MCCC2: variants seen among roughly 807,000 people sequenced by gnomAD.
The protein encoded by MCCC2 is methylcrotonoyl-CoA carboxylase beta chain, mitochondrial.
In MCCC2, 52 loss-of-function variants were observed where a neutral mutation model predicts 77.2. The observed-to-expected ratio is 0.67, with a 90% CI of 0.54 to 0.85. The LOEUF (loss-of-function observed/expected upper bound fraction) is 0.85, where lower values mean the gene tolerates loss of function less well. Among genes scored for constraint, MCCC2 ranks in the 40% least tolerant of loss-of-function variants. MCCC2 has a pLI of 0.00. For synonymous variants in MCCC2, 253 were observed against 248.4 expected (o/e 1.02, Z -0.18); for missense variants, 682 against 703.2 (o/e 0.97, Z 0.34).
At chr5:71,638,393 CT>C (rs1440692551) in intron 10 of MCCC2, among the ~76,000 whole-genome samples, 1 of 152,078 alleles carries the variant, frequency 6.6e-6, no homozygotes, top group African/African-American at 2.4e-5. Flanking sequence ...ATATTTTGAC[CT>C]CCTCGCATGA....
At chr5:71,634,010 C>G (rs1459458193) in intron 8 of MCCC2, among the ~76,000 whole-genome samples, 1 of 152,144 alleles carries the variant, frequency 6.6e-6, no homozygotes, top group Non-Finnish European at 1.5e-5. Context: ...AGTAGAGTGT[C>G]ATGAAATCAC....
intron 6 of MCCC2, among the ~76,000 whole-genome samples, chr5:71,615,469 C>T (rs551896738): frequency 2.0e-5 from 3 of 152,168 alleles, no homozygotes; most frequent in Non-Finnish European, 2.9e-5. Flanking sequence ...TTTATTTTAA[C>T]GATTTAGCCA....
intron 6 of MCCC2, among the ~76,000 whole-genome samples, chr5:71,623,314 C>CA (rs1746419767): frequency 1.3e-5 from 2 of 152,142 alleles, no homozygotes; most frequent in Admixed American, 1.3e-4. Flanking sequence ...CTGGGTCTCT[C>CA]ACGTGGCTGC....
chr5:71,633,125 A>T (rs867870825), intron 8 of MCCC2, among the ~76,000 whole-genome samples: 2,487 of 42,572 alleles, frequency 0.058, 184 homozygotes, highest in Middle Eastern at 0.1. Flanking sequence ...ATATATATAT[A>T]TATATATTTT....
At chr5:71,638,540 A>T (rs1747007706) in intron 10 of MCCC2, among the ~76,000 whole-genome samples, 1 of 151,950 alleles carries the variant, frequency 6.6e-6, no homozygotes, top group African/African-American at 2.4e-5. Context: ...TTTTTTTTTG[A>T]GACGGAGTCT....
At chr5:71,635,290 C>T in intron 10 of MCCC2, 44 bp downstream of exon 10, 1 of 1,524,894 alleles carries the variant, frequency 6.6e-7, no homozygotes, top group Non-Finnish European at 9.1e-7. Flanking sequence ...AGCTGTGAGT[C>T]TCTTTGTATG....
At chr5:71,638,002 G>A (rs180778353) in intron 10 of MCCC2, among the ~76,000 whole-genome samples, 229 of 152,156 alleles carry the variant, frequency 1.5e-3, no homozygotes, top group African/African-American at 4.9e-3. Flanking sequence ...ATCACCCACC[G>A]CGCCTGGCCC....
intron 16 of MCCC2, among the ~76,000 whole-genome samples, chr5:71,656,397 A>G (rs1747578813): frequency 6.6e-6 from 1 of 152,186 alleles, no homozygotes; most frequent in African/African-American, 2.4e-5. Flanking sequence ...AACTTGGCTT[A>G]TATATTTGTG....
intron 6 of MCCC2, among the ~76,000 whole-genome samples, chr5:71,618,516 C>T (rs10059187): frequency 1.4e-4 from 9 of 63,016 alleles, no homozygotes; most frequent in Admixed American, 2.9e-4. Context: ...TTCCTTCCTT[C>T]CTTCCTTCCT....
At chr5:71,597,904 C>T (rs959968847) in intron 3 of MCCC2, among the ~76,000 whole-genome samples, 1 of 152,224 alleles carries the variant, frequency 6.6e-6, no homozygotes, top group Non-Finnish European at 1.5e-5. Flanking sequence ...GAGCCTGGCC[C>T]CTGGGGCAAG....
chr5:71,602,319 T>G (rs1357790355), intron 4 of MCCC2, among the ~76,000 whole-genome samples, 187 bp from the exon 5 acceptor site: 1 of 152,250 alleles, frequency 6.6e-6, no homozygotes, highest in Non-Finnish European at 1.5e-5. Flanking sequence ...TGTTTTGTAT[T>G]ATATAAATTA....
chr5:71,608,680 T>C (rs1745790687), intron 6 of MCCC2, among the ~76,000 whole-genome samples: 1 of 152,238 alleles, frequency 6.6e-6, no homozygotes, highest in Admixed American at 6.5e-5. Flanking sequence ...CTTGAAGGTC[T>C]TTACATTTTG....
chr5:71,599,913 C>A (rs1327456622), intron 4 of MCCC2, among the ~76,000 whole-genome samples, 153 bp downstream of exon 4: 1 of 152,186 alleles, frequency 6.6e-6, no homozygotes, highest in Non-Finnish European at 1.5e-5. Context: ...CGCCTGTAAT[C>A]CCAGCACTTT....
intron 10 of MCCC2, among the ~76,000 whole-genome samples, chr5:71,639,934 C>T (rs955869982): frequency 6.6e-6 from 1 of 152,120 alleles, no homozygotes; most frequent in Non-Finnish European, 1.5e-5. Context: ...AGTTTTCAGC[C>T]TTTGCATCAT....
At chr5:71,593,992 G>A (rs1368299156) in intron 2 of MCCC2, among the ~76,000 whole-genome samples, 1 of 152,116 alleles carries the variant, frequency 6.6e-6, no homozygotes, top group Non-Finnish European at 1.5e-5. Context: ...TGGACTCGAA[G>A]TCGGGAGCTC....
chr5:71,652,803 A>C (rs560981589), intron 16 of MCCC2, 49 bp downstream of exon 16: 2 of 1,497,686 alleles, frequency 1.3e-6, no homozygotes, highest in East Asian at 2.3e-5. Context: ...GATGGCAGTC[A>C]GAGGAACAGC....
rs3066461 is a variant in MCCC2, at chr5:71,629,735, CATTATTATTATT to C, written c.739-2369_739-2358del. Among the ~76,000 whole-genome samples, 5 of 147,986 alleles carry C rather than the reference CATTATTATTATT, an allele frequency of 3.4e-5. No individual in the cohort carries two copies. The East Asian group carries it at 5.9e-4, about 18-fold the overall frequency. On this transcript the variant is annotated intron_variant, in intron 7 of 16. Transcript: ENST00000340941. ...AGGCATTATTTTAAAAGCCTGCAGC[CATTATTATTATT>C]ATTATTATTATTATTACTATTATTA...
intron 1 of MCCC2, among the ~76,000 whole-genome samples, chr5:71,592,105 G>T (rs1373253630): frequency 1.3e-5 from 2 of 152,118 alleles, no homozygotes; most frequent in African/African-American, 4.8e-5. Context: ...CCTTGGCCAG[G>T]TGCGGTGGCT....
chr5:71,601,296 C>T (rs1173473950), intron 4 of MCCC2, among the ~76,000 whole-genome samples: 1 of 152,182 alleles, frequency 6.6e-6, no homozygotes, highest in East Asian at 1.9e-4. Flanking sequence ...TCTGACTTCA[C>T]AGCCTGGCCT....
Sources: gnomAD v4.1 joint callset for allele counts (sites outside exome capture counted in the v4.1 genomes callset) on GRCh38, gnomAD v4.1.1 for gene constraint, MANE v1.5 for transcripts, NCBI Gene and HGNC (gene_info 2026-07-23, HGNC 2026-07-21) for gene names.